CUBN: variants seen among roughly 807,000 people sequenced by gnomAD.
The protein encoded by CUBN is cubilin, also known as 460 kDa receptor.
CUBN carries 282 observed loss-of-function variants against 405.3 expected under a neutral mutation model. The ratio of observed to expected loss-of-function variants is 0.70; its 90% CI spans 0.63 to 0.77. The LOEUF is 0.77. CUBN is among the 30% of genes least tolerant of loss of function. The probability of loss-of-function intolerance (pLI) is 0.00; values close to 1 mark genes in which losing one functional copy is unlikely to be tolerated. For missense variants in CUBN, 4,514 were observed against 4,475.2 expected (o/e 1.01, Z -0.25); for synonymous variants, 1,684 against 1,617.0 (o/e 1.04, Z -0.99).
intron 34 of CUBN, among the ~76,000 whole-genome samples, 200 bp from the exon 35 acceptor site, chr10:16,948,806 T>C (rs1246196803): frequency 6.6e-6 from 1 of 152,122 alleles, no homozygotes; most frequent in African/African-American, 2.4e-5. Flanking sequence ...GAGCTATATA[T>C]AGGAGAGGTG....
intron 21 of CUBN, among the ~76,000 whole-genome samples, chr10:17,066,938 T>G (rs1835623754): frequency 6.6e-6 from 1 of 152,040 alleles, no homozygotes; most frequent in African/African-American, 2.4e-5. Context: ...TATCAAGCAA[T>G]GTAGGACAAC....
chr10:16,851,506 A>G, intron 59 of CUBN, 63 bp from the exon 60 acceptor site: 1 of 1,437,372 alleles, frequency 7.0e-7, no homozygotes, highest in Non-Finnish European at 9.8e-7. Flanking sequence ...TTGTACATGG[A>G]GGGTTTTTAA....
chr10:17,017,554 G>T (rs1029829967), intron 28 of CUBN, among the ~76,000 whole-genome samples: 2 of 152,154 alleles, frequency 1.3e-5, no homozygotes, highest in Admixed American at 6.5e-5. Context: ...GATGCCTTTT[G>T]TCCTCACTTA....
intron 19 of CUBN, among the ~76,000 whole-genome samples, chr10:17,070,664 G>T (rs2131847655): frequency 6.6e-6 from 1 of 152,030 alleles, no homozygotes; most frequent in African/African-American, 2.4e-5. Context: ...TTTTCAAATT[G>T]TTCATTGCTG....
intron 43 of CUBN, among the ~76,000 whole-genome samples, chr10:16,923,983 A>C (rs918870895): frequency 6.6e-6 from 1 of 152,202 alleles, no homozygotes; most frequent in Non-Finnish European, 1.5e-5. Context: ...GGGTCAGGAA[A>C]TCACTTGAGC....
At chr10:16,865,231 AAGTGCC>A (rs1840143566) in intron 59 of CUBN, among the ~76,000 whole-genome samples, 1 of 151,864 alleles carries the variant, frequency 6.6e-6, no homozygotes, top group Non-Finnish European at 1.5e-5. Context: ...CAGCCTCCTA[AAGTGCC>A]AGTATTACAG....
chr10:16,894,317 T>C (rs1428681501), intron 54 of CUBN, among the ~76,000 whole-genome samples: 1 of 152,196 alleles, frequency 6.6e-6, no homozygotes, highest in African/African-American at 2.4e-5. Context: ...TCTGCTATTT[T>C]TTTTTCTCTA....
chr10:16,914,420 G>A (rs371437480), intron 47 of CUBN, among the ~76,000 whole-genome samples: 7 of 152,152 alleles, frequency 4.6e-5, no homozygotes, highest in East Asian at 3.9e-4. Context: ...TTAGCCGGGC[G>A]TCGTGGCGTG....
At chr10:16,905,848 C>T (rs1486126948) in intron 50 of CUBN, among the ~76,000 whole-genome samples, 3 of 152,208 alleles carry the variant, frequency 2.0e-5, no homozygotes, top group Non-Finnish European at 4.4e-5. Context: ...CGTGGTGGCT[C>T]ATGCCTGTAA....
chr10:17,061,921 C>G (rs1835513830), intron 22 of CUBN, among the ~76,000 whole-genome samples: 1 of 152,158 alleles, frequency 6.6e-6, no homozygotes, highest in Non-Finnish European at 1.5e-5. Flanking sequence ...GTCTGACTTT[C>G]AAACCAATCA....
intron 14 of CUBN, among the ~76,000 whole-genome samples, chr10:17,097,143 C>T (rs575830740): frequency 5.9e-5 from 9 of 151,984 alleles, no homozygotes; most frequent in East Asian, 5.8e-4. Context: ...AAAACATTAA[C>T]GGAGCCAATA....
At chr10:16,858,137 T>A (rs945742778) in intron 59 of CUBN, among the ~76,000 whole-genome samples, 2 of 152,028 alleles carry the variant, frequency 1.3e-5, no homozygotes, top group Non-Finnish European at 2.9e-5. Flanking sequence ...AATTACAAAA[T>A]AATGAAATAA....
chr10:16,826,387 ATATG>A (rs1404381352), intron 66 of CUBN, among the ~76,000 whole-genome samples: 2 of 152,204 alleles, frequency 1.3e-5, no homozygotes, highest in African/African-American at 2.4e-5. Flanking sequence ...ATGCATGTAA[ATATG>A]TATGTATGTA....
chr10:16,867,120 T>C (rs1840210575), intron 59 of CUBN, among the ~76,000 whole-genome samples: 1 of 152,210 alleles, frequency 6.6e-6, no homozygotes, highest in Non-Finnish European at 1.5e-5. Context: ...TGTCATAGAC[T>C]AAAATGGTCT....
intron 53 of CUBN, 130 bp downstream of exon 53, chr10:16,900,495 G>C (rs1161472899): frequency 7.9e-6 from 6 of 756,836 alleles, no homozygotes; most frequent in Non-Finnish European, 1.4e-5. Flanking sequence ...CACCAGGGTT[G>C]CTGCATGAGA....
intron 31 of CUBN, among the ~76,000 whole-genome samples, chr10:16,982,207 C>T (rs1336410326): frequency 1.3e-5 from 2 of 152,114 alleles, no homozygotes; most frequent in African/African-American, 4.8e-5. Flanking sequence ...CCACTGCAGC[C>T]ATTTTTTGAC....
chr10:17,036,170 T>A (rs1049859911), intron 27 of CUBN, among the ~76,000 whole-genome samples: 1 of 152,108 alleles, frequency 6.6e-6, no homozygotes, highest in African/African-American at 2.4e-5. Flanking sequence ...GCTAGACCCA[T>A]GCATTTGCTG....
At chr10:16,843,521 C>T (rs1199825630) in intron 60 of CUBN, among the ~76,000 whole-genome samples, 1 of 152,162 alleles carries the variant, frequency 6.6e-6, no homozygotes, top group Non-Finnish European at 1.5e-5. Context: ...AGATGAAACT[C>T]GAGTTTTCTA....
intron 53 of CUBN, 73 bp from the exon 54 acceptor site, chr10:16,899,256 AGG>A: frequency 9.0e-7 from 1 of 1,106,412 alleles, no homozygotes; most frequent in Middle Eastern, 2.2e-4. Flanking sequence ...CTGCTACAGA[AGG>A]AACATTTCCA....
Sources: gnomAD v4.1 joint callset for allele counts (sites outside exome capture counted in the v4.1 genomes callset) on GRCh38, gnomAD v4.1.1 for gene constraint, MANE v1.5 for transcripts, NCBI Gene and HGNC (gene_info 2026-07-23, HGNC 2026-07-21) for gene names.